ZNF248: variants seen among roughly 807,000 people sequenced by gnomAD.
ZNF248 encodes zinc finger protein 248, also known as KRAB protein domain.
Under a neutral mutation model 44.3 loss-of-function variants are expected in ZNF248, and 20 were observed. That is an observed-to-expected ratio of 0.45 (90% confidence interval 0.32 to 0.66). The LOEUF (loss-of-function observed/expected upper bound fraction) is 0.66. ZNF248 is among the 30% of genes least tolerant of loss of function. The probability of loss-of-function intolerance (pLI) is 0.04; values close to 1 mark genes in which losing one functional copy is unlikely to be tolerated. For missense variants in ZNF248, 654 were observed against 677.0 expected, an observed-to-expected ratio of 0.97 and a Z score of 0.38; for synonymous variants, 224 against 229.0, an observed-to-expected ratio of 0.98 and a Z score of 0.20.
At chr10:37,804,443 T>C (rs1445432232) in intron 6 of ZNF248, among the ~76,000 whole-genome samples, 1 of 151,958 alleles carries the variant, frequency 6.6e-6, no homozygotes. Context: ...TTTATTTATT[T>C]CTTTATTTGA....
Position 37,832,230 on chromosome 10 carries a change from T to A in ZNF248, c.1125A>T (p.Thr375=). The change falls in exon 6 of 6, where the codon ACA becomes ACT. Residue 375 remains threonine (T), a synonymous_variant. Transcript: ENST00000395867. ...SHLTQLRRAH[T]GEKTFECGEC... ...CACCACATTCAAAGGTTTTTTCTCC[T>A]GTGTGAGCTCTCCGAAGCTGGGTAA... 1 of 1,614,090 alleles carries A rather than the reference T, an allele frequency of 6.2e-7. No individual in the cohort carries two copies.
chr10:37,811,211 T>C, intron 6 of ZNF248, among the ~76,000 whole-genome samples: 1 of 152,178 alleles, frequency 6.6e-6, no homozygotes, highest in East Asian at 1.9e-4. Context: ...TTCAAGATAA[T>C]TGAATCCAGT....
chr10:37,780,250 A>G (rs1826783498), intron 6 of ZNF248, among the ~76,000 whole-genome samples: 1 of 152,014 alleles, frequency 6.6e-6, no homozygotes, highest in South Asian at 2.1e-4. Context: ...GCATCACACT[A>G]CCTGACTTCA....
At chr10:37,847,401 T>TTA (rs1426403600) in intron 3 of ZNF248, among the ~76,000 whole-genome samples, 3 of 152,130 alleles carry the variant, frequency 2.0e-5, no homozygotes, top group Non-Finnish European at 4.4e-5. Flanking sequence ...TTGGGAAACT[T>TTA]TAAAGTACAA....
At chr10:37,841,946 G>C (rs1395133170) in intron 3 of ZNF248, among the ~76,000 whole-genome samples, 1 of 152,176 alleles carries the variant, frequency 6.6e-6, no homozygotes, top group East Asian at 1.9e-4. Flanking sequence ...TCACAGCTAA[G>C]AAGAGCCTAA....
chr10:37,813,894 C>T (rs968332655), intron 6 of ZNF248, among the ~76,000 whole-genome samples: 7 of 152,100 alleles, frequency 4.6e-5, no homozygotes, highest in Non-Finnish European at 7.4e-5. Flanking sequence ...ACTTTTAACC[C>T]GTTAGTGTCT....
chr10:37,845,377 A>AT (rs1279401369), intron 3 of ZNF248, among the ~76,000 whole-genome samples: 7 of 148,800 alleles, frequency 4.7e-5, no homozygotes, highest in African/African-American at 1.7e-4. Flanking sequence ...GGCAGAATGG[A>AT]TTTAAAAAAA....
At chr10:37,819,631 T>C (rs2053131659) in intron 6 of ZNF248, 10 of 818,938 alleles carry the variant, frequency 1.2e-5, no homozygotes, top group South Asian at 8.0e-5. Context: ...TAACCCTTTC[T>C]AGCCTTTCCA....
At chr10:37,843,632 G>C (rs958536916) in intron 3 of ZNF248, among the ~76,000 whole-genome samples, 5 of 151,886 alleles carry the variant, frequency 3.3e-5, no homozygotes, top group Admixed American at 2.0e-4. Flanking sequence ...ACTAAACAAA[G>C]ATTTTAAATA....
chr10:37,820,855 AT>A, intron 6 of ZNF248: 1 of 1,238,072 alleles, frequency 8.1e-7, no homozygotes, highest in Non-Finnish European at 1.2e-6. Context: ...TTTTGCATGT[AT>A]TTATTTCTTC....
intron 3 of ZNF248, among the ~76,000 whole-genome samples, chr10:37,845,227 A>G (rs1171087338): frequency 6.6e-6 from 1 of 151,998 alleles, no homozygotes. Flanking sequence ...TTGCCATGTC[A>G]GGCTGGTCTC....
intron 5 of ZNF248, among the ~76,000 whole-genome samples, chr10:37,835,133 AAAAG>A (rs895691907): frequency 9.2e-5 from 14 of 151,668 alleles, no homozygotes; most frequent in Non-Finnish European, 1.9e-4. Flanking sequence ...AGGCTAAAAA[AAAAG>A]AGAAAAGAAC....
downstream of ZNF248, among the ~76,000 whole-genome samples, chr10:37,825,783 C>A (rs556977465): frequency 6.6e-6 from 1 of 152,110 alleles, no homozygotes; most frequent in African/African-American, 2.4e-5. Flanking sequence ...TCCATACAGA[C>A]CTCCTGGAGT....
chr10:37,776,843 CT>C (rs2046626228), intron 6 of ZNF248, among the ~76,000 whole-genome samples: 1 of 152,172 alleles, frequency 6.6e-6, no homozygotes, highest in Admixed American at 6.5e-5. Flanking sequence ...GTGGTCTACC[CT>C]GGCCATGTGA....
the ZNF248 span, among the ~76,000 whole-genome samples, chr10:37,765,056 T>G: frequency 6.6e-6 from 1 of 152,090 alleles, no homozygotes; most frequent in Non-Finnish European, 1.5e-5. Context: ...TGCCTCCTGG[T>G]TTCAAGAGAT....
chr10:37,759,525 T>A, the ZNF248 span, among the ~76,000 whole-genome samples: 1 of 152,102 alleles, frequency 6.6e-6, no homozygotes, highest in Admixed American at 6.6e-5. Context: ...AGGAGAGAAA[T>A]TATCACCCAG....
downstream of ZNF248, chr10:37,775,384 G>A (rs2046510221): frequency 6.6e-6 from 1 of 152,100 alleles, no homozygotes; most frequent in Non-Finnish European, 1.5e-5. Context: ...GGAAAGTGCA[G>A]GGGAAGCTGA....
chr10:37,766,369 G>GA, the ZNF248 span, among the ~76,000 whole-genome samples: 2 of 152,240 alleles, frequency 1.3e-5, no homozygotes, highest in Non-Finnish European at 2.9e-5. Context: ...AGTAGGGGCA[G>GA]ACTGACACCT....
At chr10:37,818,691 T>A in intron 6 of ZNF248, 2 of 551,650 alleles carry the variant, frequency 3.6e-6, no homozygotes, top group South Asian at 3.6e-5. Context: ...TTTTTGGATA[T>A]AATGCAGCAA....
Sources: gnomAD v4.1 joint callset for allele counts (sites outside exome capture counted in the v4.1 genomes callset) on GRCh38, gnomAD v4.1.1 for gene constraint, MANE v1.5 for transcripts, NCBI Gene and HGNC (gene_info 2026-07-23, HGNC 2026-07-21) for gene names.